FBXW8: variants seen among roughly 807,000 people sequenced by gnomAD.
FBXW8 encodes the protein F-box and WD repeat domain containing 8, also known as F-box/WD repeat-containing protein 8.
FBXW8 carries 57 observed loss-of-function variants against 65.3 expected under a neutral mutation model. The ratio of observed to expected loss-of-function variants is 0.87; its 90% confidence interval spans 0.71 to 1.09. FBXW8 has a LOEUF of 1.09. Among genes scored for constraint, FBXW8 ranks in the 50% least tolerant of loss-of-function variants. The probability of loss-of-function intolerance (pLI) is 0.00; values close to 1 mark genes in which losing one functional copy is unlikely to be tolerated. For synonymous variants in FBXW8, 308 were observed against 330.2 expected (o/e 0.93, Z 0.73); for missense variants, 777 against 814.8 (o/e 0.95, Z 0.57).
At chr12:117,003,073 T>C (rs1953576029) in intron 7 of FBXW8, 1 of 152,230 alleles carries the variant, frequency 6.6e-6, no homozygotes. Context: ...ACTAGTCTTG[T>C]ATGTGAAGAT....
intron 7 of FBXW8, among the ~76,000 whole-genome samples, chr12:117,006,594 C>T (rs1487335723): frequency 6.6e-6 from 1 of 152,238 alleles, no homozygotes; most frequent in Non-Finnish European, 1.5e-5. Context: ...GCCCCTGCTG[C>T]TTAGGACACC....
intron 7 of FBXW8, among the ~76,000 whole-genome samples, chr12:117,004,328 G>A (rs1054710750): frequency 6.6e-6 from 1 of 152,034 alleles, no homozygotes; most frequent in Non-Finnish European, 1.5e-5. Flanking sequence ...GATCTTGCCT[G>A]GAAGTCTAAT....
intron 7 of FBXW8, among the ~76,000 whole-genome samples, chr12:117,003,367 A>T (rs11068286): frequency 0.029 from 4,401 of 152,172 alleles, 184 homozygotes; most frequent in East Asian, 0.2. Flanking sequence ...CGGGGGGCGC[A>T]CCCTGGGCAT....
At chr12:116,992,761 G>GGTGGGTGTGTGT (rs1555223676) in intron 7 of FBXW8, among the ~76,000 whole-genome samples, 5 of 143,550 alleles carry the variant, frequency 3.5e-5, no homozygotes, top group Non-Finnish European at 1.5e-5. Flanking sequence ...ATTATTCCAT[G>GGTGGGTGTGTGT]GTGTGTGTGT....
chr12:117,012,194 G>T (rs2893702), intron 8 of FBXW8, among the ~76,000 whole-genome samples: 31,952 of 152,068 alleles, frequency 0.21, 4,204 homozygotes, highest in African/African-American at 0.38. Context: ...CACTGCCAGG[G>T]AGGTGTTCCA....
intron 1 of FBXW8, among the ~76,000 whole-genome samples, chr12:116,917,452 T>C (rs1880518615): frequency 6.6e-6 from 1 of 152,204 alleles, no homozygotes. Context: ...ACTACCTTCT[T>C]ACACTTCCTC....
intron 5 of FBXW8, among the ~76,000 whole-genome samples, chr12:116,970,103 C>T (rs548093182): frequency 2.6e-5 from 4 of 152,312 alleles, no homozygotes; most frequent in African/African-American, 7.2e-5. Flanking sequence ...CCATCTGCTC[C>T]GTGCTTGCCT....
chr12:117,001,483 G>T (rs1167694516), intron 7 of FBXW8, among the ~76,000 whole-genome samples: 1 of 152,164 alleles, frequency 6.6e-6, no homozygotes, highest in Non-Finnish European at 1.5e-5. Flanking sequence ...ACTAAGTCCT[G>T]TCGGCATACA....
chr12:116,915,027 A>G (rs182293222), intron 1 of FBXW8, among the ~76,000 whole-genome samples: 30 of 152,360 alleles, frequency 2.0e-4, no homozygotes, highest in African/African-American at 4.8e-4. Context: ...AACTCTCTCC[A>G]GTGGCTATTT....
At chr12:116,988,404 G>A (rs1044400075) in intron 6 of FBXW8, among the ~76,000 whole-genome samples, 4 of 152,090 alleles carry the variant, frequency 2.6e-5, no homozygotes, top group African/African-American at 7.2e-5. Flanking sequence ...GATCTTTACC[G>A]ATATGAAAGG....
rs1565927158 is a variant in FBXW8 at position 116,985,345 on chromosome 12, A to G, written c.975A>G (p.Leu325=). The G allele has an allele frequency of 4.3e-6, 7 of 1,614,194 alleles. No homozygotes were observed. Among genetic ancestry groups the G allele is most frequent in the Non-Finnish European group, 5.9e-6 (7 of 1,180,032 alleles). Residue 325 remains leucine, a synonymous_variant, in exon 6 of 11, where the codon TTA becomes TTG. Coordinates refer to ENST00000652555, the MANE Select transcript of FBXW8 (RefSeq NM_153348.3). ...CTTCTGCTTTTGATGTCGTGATGTT[A>G]TCCCCCAATGAGGAGGGGTACTGGC... ...ATASAFDVVM[L]SPNEEGYWQI...
intron 3 of FBXW8, among the ~76,000 whole-genome samples, chr12:116,947,317 T>C (rs1296593592): frequency 6.6e-6 from 1 of 152,184 alleles, no homozygotes; most frequent in Non-Finnish European, 1.5e-5. Flanking sequence ...AGACTTCTAT[T>C]TGGAGCGTGT....
At chr12:116,987,552 C>T (rs1885804016) in intron 6 of FBXW8, among the ~76,000 whole-genome samples, 2 of 152,170 alleles carry the variant, frequency 1.3e-5, no homozygotes, top group South Asian at 4.1e-4. Context: ...CCTCTGGTGG[C>T]CAAATGGACC....
intron 3 of FBXW8, among the ~76,000 whole-genome samples, chr12:116,947,695 C>T (rs1201575245): frequency 2.1e-5 from 3 of 141,476 alleles, no homozygotes; most frequent in East Asian, 4.1e-4. Context: ...GCCAAGATTG[C>T]GCCATTGCAC....
chr12:116,946,612 C>T (rs965560672), intron 3 of FBXW8, among the ~76,000 whole-genome samples: 1 of 152,118 alleles, frequency 6.6e-6, no homozygotes, highest in Non-Finnish European at 1.5e-5. Flanking sequence ...CAGTCGAGAA[C>T]CACTGTTCTG....
At chr12:116,945,272 A>G in intron 2 of FBXW8, 92 bp from the exon 3 acceptor site, 1 of 1,300,372 alleles carries the variant, frequency 7.7e-7, no homozygotes, top group Non-Finnish European at 1.1e-6. Context: ...CCATAAACCC[A>G]GGGCAATAAT....
chr12:117,015,042 A>T (rs982094666), intron 8 of FBXW8, among the ~76,000 whole-genome samples: 2 of 152,170 alleles, frequency 1.3e-5, no homozygotes, highest in African/African-American at 4.8e-5. Context: ...AAGAAAGAGA[A>T]AAAAACCTAC....
At chr12:116,962,917 C>T (rs374450274) in intron 4 of FBXW8, among the ~76,000 whole-genome samples, 191 of 152,278 alleles carry the variant, frequency 1.3e-3, no homozygotes, top group African/African-American at 4.5e-3. Context: ...GTATAGGGTT[C>T]CTCATTGAGA....
intron 4 of FBXW8, among the ~76,000 whole-genome samples, chr12:116,962,508 T>TGTGCAGA (rs1565916093): frequency 6.6e-6 from 1 of 152,126 alleles, no homozygotes; most frequent in Non-Finnish European, 1.5e-5. Flanking sequence ...CTGAAAACAG[T>TGTGCAGA]GTGCAGACTG....
Sources: gnomAD v4.1 joint callset for allele counts (sites outside exome capture counted in the v4.1 genomes callset) on GRCh38, gnomAD v4.1.1 for gene constraint, MANE v1.5 for transcripts, NCBI Gene and HGNC (gene_info 2026-07-23, HGNC 2026-07-21) for gene names.